The following RTTN variants were observed in gnomAD, a reference collection of about 807,000 sequenced individuals.
RTTN encodes rotatin.
A neutral mutation model predicts 269.2 loss-of-function variants in RTTN; 182 were observed. That is an observed-to-expected ratio of 0.68 (90% confidence interval 0.60 to 0.76). The LOEUF is 0.76. RTTN is among the 30% of genes least tolerant of loss of function. The pLI is 0.00. For missense variants in RTTN, 2,545 were observed against 2,608.6 expected (o/e 0.98, Z 0.53); for synonymous variants, 1,006 against 963.5 (o/e 1.04, Z -0.82).
Position 70,092,776 on chromosome 18 carries a change from C to T in RTTN, c.3932G>A (p.Gly1311Glu), listed in dbSNP as rs2058886329. The change falls in exon 29 of 49, where the codon GGA becomes GAA. Residue 1311 changes from glycine (G) to glutamate (E), a missense_variant. By Grantham distance (98) the Gly-to-Glu change is moderately conservative (BLOSUM62 -2). Coordinates refer to ENST00000640769, the MANE Select transcript of RTTN (RefSeq NM_173630.4). ...EVITSFYVERGGNAMSFMGKG... is the reference protein window; with the variant it reads ...EVITSFYVEREGNAMSFMGKG... The stretch of plus-strand genomic sequence containing the variant: ...TCCCATGAAGGACATAGCATTTCCT[C>T]CACGCTCCACATAAAAAGAAGTAAT... 1.2e-6 allele frequency: 2 copies of T among 1,609,986 alleles called. No individual in the cohort carries two copies. The highest frequency in any genetic ancestry group is 1.7e-6 in the Non-Finnish European group (2 of 1,177,150).
chr18:70,163,358 G>T (rs1242944068), intron 14 of RTTN, among the ~76,000 whole-genome samples: 1 of 151,472 alleles, frequency 6.6e-6, no homozygotes, highest in Admixed American at 6.6e-5. Flanking sequence ...CTCCAGCCTG[G>T]TGACACAGCG....
intron 27 of RTTN, 44 bp downstream of exon 27, chr18:70,114,401 G>A: frequency 6.4e-7 from 1 of 1,554,956 alleles, no homozygotes; most frequent in Non-Finnish European, 8.7e-7. Context: ...GAAAACTTGG[G>A]TTCTATATAA....
chr18:70,201,937 G>T lies in RTTN; in HGVS notation c.444C>A (p.Asp148Glu), dbSNP rs758272168. Residue 148 changes from aspartate to glutamate, a missense_variant, in exon 4 of 49, where the codon GAC becomes GAA. Physicochemically the swap from Asp to Glu is conservative, Grantham distance 45. Transcript: ENST00000640769. ...CTTCCATCTGCTGGAAATTACTTTTGTCTTGGGGAAAATATCCTGTTAAGA... is the reference window on the plus strand; with the variant it reads ...CTTCCATCTGCTGGAAATTACTTTTTTCTTGGGGAAAATATCCTGTTAAGA... ...PEILTGYFPQ[D>E]KSNFQQMEVP... 3 of 1,612,060 alleles carry T rather than the reference G, an allele frequency of 1.9e-6. No individual in the cohort carries two copies. The highest frequency in any genetic ancestry group is 2.5e-6 in the Non-Finnish European group (3 of 1,178,416).
intron 25 of RTTN, among the ~76,000 whole-genome samples, chr18:70,123,847 C>A (rs986695928): frequency 2.6e-5 from 4 of 152,010 alleles, no homozygotes; most frequent in African/African-American, 7.2e-5. Flanking sequence ...ATATTTCCTA[C>A]AAGAGTGACA....
rs1438047634 is a variant in RTTN, at chr18:70,017,810, A to G, written c.6154-136T>C. On this transcript the variant is annotated intron_variant, in intron 45 of 48. Transcript: ENST00000640769. ...TTCTCCTTTCTAATAGCTTCTGAAT[A>G]TTCCATCTATATTATTTCCAAGCAT... 37 of 687,858 alleles carry G rather than the reference A, an allele frequency of 5.4e-5. 1 individual carries two copies. The highest frequency in any genetic ancestry group is 8.5e-5 in the Non-Finnish European group (36 of 421,224). 42.6% of individuals were successfully genotyped at this position (687,858 alleles called of 1,614,324 possible).
chr18:70,184,714 T>TGTGTGTG (rs1195408237), intron 10 of RTTN, among the ~76,000 whole-genome samples: 86 of 53,452 alleles, frequency 1.6e-3, no homozygotes, highest in African/African-American at 3.9e-3. Flanking sequence ...TTTTTTTTTT[T>TGTGTGTG]TTTGTGTGTG....
intron 15 of RTTN, 74 bp downstream of exon 15, chr18:70,150,534 A>C: frequency 2.1e-6 from 3 of 1,397,796 alleles, no homozygotes; most frequent in Non-Finnish European, 3.0e-6. Flanking sequence ...TATCTAAACT[A>C]TATTAGAATA....
At chr18:70,121,059 TA>T (rs930248075) in intron 26 of RTTN, among the ~76,000 whole-genome samples, 23 of 144,064 alleles carry the variant, frequency 1.6e-4, no homozygotes, top group Admixed American at 8.3e-4. Flanking sequence ...TCAAAAAAAA[TA>T]AAAAAAAAAA....
chr18:70,120,933 C>G (rs2059719806), intron 26 of RTTN, among the ~76,000 whole-genome samples: 1 of 152,028 alleles, frequency 6.6e-6, no homozygotes. Context: ...CACCTGTAAT[C>G]CCAGCTACTC....
intron 25 of RTTN, among the ~76,000 whole-genome samples, chr18:70,123,048 T>C (rs536261928): frequency 6.6e-6 from 1 of 152,242 alleles, no homozygotes; most frequent in South Asian, 2.1e-4. Flanking sequence ...AAAAAAAAAT[T>C]AATTTGTATA....
Position 70,191,904 on chromosome 18 carries a change from C to T in RTTN, c.1008-1185G>A, listed in dbSNP as rs567621450. ...GGAGTGAAAACTTAGAAGCATGAAGCACACAAGAGAATGAGGCAGAAAGGC... is the reference window on the plus strand; with the variant it reads ...GGAGTGAAAACTTAGAAGCATGAAGTACACAAGAGAATGAGGCAGAAAGGC... On this transcript the variant is annotated intron_variant, in intron 8 of 48. Transcript: ENST00000640769. Among the ~76,000 whole-genome samples the T allele has an allele frequency of 2.0e-5, 3 of 152,232 alleles. No homozygotes were observed. In the South Asian group the frequency reaches 6.2e-4, roughly 32 times the overall value.
chr18:70,031,488 A>C, intron 40 of RTTN: 8 of 396,214 alleles, frequency 2.0e-5, no homozygotes, highest in East Asian at 3.6e-5. Flanking sequence ...ACATTTTCTC[A>C]AAAAATAGTG....
Position 70,205,252 on chromosome 18 carries a change from T to C in RTTN, c.95A>G (p.Asn32Ser). 1.9e-6 allele frequency: 3 copies of C among 1,614,210 alleles called. No homozygotes were observed. Among genetic ancestry groups the C allele is most frequent in the Non-Finnish European group, 2.5e-6 (3 of 1,180,024 alleles). ...AATGAGATCAGCGTAGCAGATTAAG[T>C]TGTGCTCAATCTTGCAGAGAATACT... ...LKSILCKIEH[N>S]LICYADLIQE... The change falls in exon 2 of 49, where the codon AAC becomes AGC. Residue 32 changes from asparagine (N) to serine (S), a missense_variant. Physicochemically the swap from Asn to Ser is conservative, Grantham distance 46. Transcript: ENST00000640769.
chr18:70,083,142 G>A (rs537618907), intron 32 of RTTN, among the ~76,000 whole-genome samples: 8 of 152,192 alleles, frequency 5.3e-5, no homozygotes, highest in African/African-American at 1.9e-4. Flanking sequence ...TATCCAGCAG[G>A]GGCCTGGTAT....
At chr18:70,092,363 G>A (rs2058873139) in intron 29 of RTTN, 143 bp from the exon 30 acceptor site, 4 of 645,760 alleles carry the variant, frequency 6.2e-6, no homozygotes, top group Non-Finnish European at 7.6e-6. Context: ...AGCCAAAAAA[G>A]GCAAACAAAA....
intron 14 of RTTN, among the ~76,000 whole-genome samples, chr18:70,154,955 C>T (rs1014394821): frequency 5.9e-5 from 9 of 152,222 alleles, no homozygotes; most frequent in South Asian, 2.1e-4. Flanking sequence ...TCATTTCACA[C>T]ATTCAACATC....
chr18:70,107,349 G>A (rs1468747193), intron 28 of RTTN, among the ~76,000 whole-genome samples: 3 of 152,200 alleles, frequency 2.0e-5, no homozygotes, highest in African/African-American at 7.2e-5. Flanking sequence ...TGTTCCAGAA[G>A]GATCACAGGA....
intron 2 of RTTN, among the ~76,000 whole-genome samples, 157 bp from the exon 3 acceptor site, chr18:70,204,420 G>C (rs1374312679): frequency 6.6e-6 from 1 of 152,148 alleles, no homozygotes; most frequent in Non-Finnish European, 1.5e-5. Flanking sequence ...CTTCCATGAG[G>C]AGCACATACA....
chr18:70,030,841 T>C (rs2056990968), intron 41 of RTTN, 35 bp downstream of exon 41: 6 of 1,431,418 alleles, frequency 4.2e-6, no homozygotes, highest in Non-Finnish European at 5.8e-6. Flanking sequence ...GAATTGATAA[T>C]GCCATCAAAA....
Sources: allele counts gnomAD v4.1 joint callset (sites outside exome capture counted in the v4.1 genomes callset), GRCh38; gene constraint gnomAD v4.1.1; transcripts MANE v1.5; gene names NCBI Gene and HGNC (gene_info 2026-07-23, HGNC 2026-07-21).